RABEP1: variants seen among roughly 807,000 people sequenced by gnomAD.
The protein encoded by RABEP1 is rab GTPase-binding effector protein 1.
RABEP1 carries 51 observed loss-of-function variants against 123.4 expected under a neutral mutation model. The observed-to-expected ratio is 0.41, with a 90% CI of 0.33 to 0.52. The LOEUF is 0.52. Among genes scored for constraint, RABEP1 ranks in the 20% least tolerant of loss-of-function variants. The pLI is 0.16. For synonymous variants in RABEP1, 347 were observed against 355.2 expected (o/e 0.98, Z 0.26); for missense variants, 888 against 996.3 (o/e 0.89, Z 1.46).
At chr17:5,317,565 T>C (rs1239887994) in intron 2 of RABEP1, among the ~76,000 whole-genome samples, 2 of 151,588 alleles carry the variant, frequency 1.3e-5, no homozygotes, top group Non-Finnish European at 2.9e-5. Context: ...TGAGGATCTA[T>C]GTAGGGCACT....
chr17:5,331,249 A>G (rs1159973334), intron 2 of RABEP1, among the ~76,000 whole-genome samples: 2 of 152,170 alleles, frequency 1.3e-5, no homozygotes, highest in Non-Finnish European at 2.9e-5. Flanking sequence ...AACAGGGAAA[A>G]TGTAGATTAA....
chr17:5,350,015 C>G (rs1352846143), intron 6 of RABEP1, among the ~76,000 whole-genome samples: 5 of 152,144 alleles, frequency 3.3e-5, no homozygotes, highest in Non-Finnish European at 7.3e-5. Flanking sequence ...GCCCCTTGGT[C>G]CAGCCAAGGA....
Position 5,383,250 on chromosome 17 carries a change from C to T in RABEP1, c.*27C>T, listed in dbSNP as rs1403557101. On this transcript the variant is annotated 3_prime_UTR_variant, in exon 18 of 18. Coordinates refer to ENST00000537505, the MANE Select transcript of RABEP1 (RefSeq NM_004703.6). ...ACCCTCATGGCAGGATTCTAGCCTG[C>T]ACTTTGGGTTTTTAACTCATCTTTA... 1.3e-6 allele frequency: 2 copies of T among 1,589,470 alleles called. No individual in the cohort carries two copies. The highest frequency in any genetic ancestry group is 3.3e-5 in the Admixed American group (2 of 59,888).
rs768523345 is a variant in RABEP1, at chr17:5,368,505, C to T, written c.1884+37C>T. 1.1e-5 allele frequency: 16 copies of T among 1,416,884 alleles called. No homozygotes were observed. The East Asian group carries it at 3.4e-4, about 30-fold the overall frequency. The allele number at this position is 1,416,884 out of a possible 1,614,324, so 87.8% of individuals were successfully genotyped here. ...TTTTAAGTAAATGACAACTATGTTA[C>T]TATATATTCCTTTTTTGTTCTATCT... On this transcript the variant is annotated intron_variant, in intron 12 of 17. Transcript: ENST00000537505.
At position 5,289,062 on chromosome 17, in the gene RABEP1, C is replaced by A. The variant is rs1038672598; in HGVS notation, c.34+6542C>A. 3.3e-5 allele frequency among the ~76,000 whole-genome samples: 5 copies of A among 152,076 alleles called. No individual in the cohort carries two copies. The East Asian group carries it at 9.6e-4, about 29-fold the overall frequency. ...ATAGGAATTATATTAATTATGGCCT[C>A]TTTGTTTATTGGCTGGCTGGCTTGC... On this transcript the variant is annotated intron_variant, in intron 1 of 17. Coordinates refer to ENST00000537505, the MANE Select transcript of RABEP1 (RefSeq NM_004703.6).
At chr17:5,382,056 T>TAA (rs1241215767) in intron 17 of RABEP1, among the ~76,000 whole-genome samples, 1 of 149,812 alleles carries the variant, frequency 6.7e-6, no homozygotes, top group East Asian at 2.0e-4. Flanking sequence ...GTGCTAAAAC[T>TAA]AAGTTTTTTT....
Position 5,386,075 on chromosome 17 carries a change from T to C in RABEP1, c.*2852T>C, listed in dbSNP as rs1337179013. ...TACTCAATTATTATAAAACAACATA[T>C]TTAAAAAGATGAACCACACCAAAGG... On this transcript the variant is annotated 3_prime_UTR_variant, in exon 18 of 18. Coordinates refer to ENST00000537505, the MANE Select transcript of RABEP1 (RefSeq NM_004703.6). 1.5e-6 allele frequency: 1 copy of C among 647,408 alleles called. No homozygotes were observed. Among genetic ancestry groups the C allele is most frequent in the Non-Finnish European group, 2.7e-6 (1 of 373,208 alleles). The allele number at this position is 647,408 out of a possible 1,614,324, so 40.1% of individuals were successfully genotyped here.
At chr17:5,316,832 CAAAAAAAAAAAA>C (rs55890740) in intron 2 of RABEP1, among the ~76,000 whole-genome samples, 1 of 67,176 alleles carries the variant, frequency 1.5e-5, no homozygotes. Context: ...GACTCTGTCT[CAAAAAAAAAAAA>C]AAAAAAAAAA....
intron 1 of RABEP1, among the ~76,000 whole-genome samples, chr17:5,292,038 T>C (rs2075038655): frequency 6.6e-6 from 1 of 152,264 alleles, no homozygotes; most frequent in East Asian, 1.9e-4. Context: ...TTTGATCTCA[T>C]CTTTATTTCC....
At chr17:5,320,204 G>A (rs1221987354) in intron 2 of RABEP1, among the ~76,000 whole-genome samples, 1 of 151,604 alleles carries the variant, frequency 6.6e-6, no homozygotes, top group Non-Finnish European at 1.5e-5. Context: ...AACCATAAAG[G>A]TAAGGAAGGA....
At position 5,350,494 on chromosome 17, in the gene RABEP1, A is replaced by G; in HGVS notation, c.828A>G (p.Leu276=). 6 of 1,614,202 alleles carry G rather than the reference A, an allele frequency of 3.7e-6. No homozygotes were observed. The highest frequency in any genetic ancestry group is 5.1e-6 in the Non-Finnish European group (6 of 1,180,028). ...AAGAGCGACAACAACACAACCAGTT[A>G]AAACATACGTGGCAGAAGGCCAATG... ...LEQERQQHNQ[L]KHTWQKANDQ... is the part of the protein sequence containing the mutation. Residue 276 remains leucine (L), a synonymous_variant, in exon 7 of 18, where the codon TTA becomes TTG. Transcript: ENST00000537505.
chr17:5,363,115 T>G (rs185107622), intron 10 of RABEP1, 99 bp downstream of exon 10: 1 of 830,012 alleles, frequency 1.2e-6, no homozygotes, highest in East Asian at 2.6e-5. Flanking sequence ...ATTTACATTA[T>G]GAAGCATATC....
Position 5,384,801 on chromosome 17 carries a change from T to C in RABEP1, c.*1578T>C, listed in dbSNP as rs185846046. 170 of 216,260 alleles carry C rather than the reference T, an allele frequency of 7.9e-4. No homozygotes were observed. The highest frequency in any genetic ancestry group is 3.6e-3 in the African/African-American group (161 of 44,590). 13.4% of individuals were successfully genotyped at this position (216,260 alleles called of 1,614,324 possible). Reference sequence around the variant, plus strand: ...TTTAAAGTCCCTTTATAAAGAGTGCTACATGGTTTAGATAAAGGAAACATA... The same window carrying C: ...TTTAAAGTCCCTTTATAAAGAGTGCCACATGGTTTAGATAAAGGAAACATA... On this transcript the variant is annotated 3_prime_UTR_variant, in exon 18 of 18. Coordinates refer to ENST00000537505, the MANE Select transcript of RABEP1 (RefSeq NM_004703.6).
chr17:5,383,391 A>C lies in RABEP1; in HGVS notation c.*168A>C. On this transcript the variant is annotated 3_prime_UTR_variant, in exon 18 of 18. Transcript: ENST00000537505. ...AAGACTGTGCGGCACAGGAAACAGC[A>C]AACAGTGGGGTGATCTGCAGCCCAG... 1 of 618,664 alleles carries C rather than the reference A, an allele frequency of 1.6e-6. No homozygotes were observed. Among genetic ancestry groups the C allele is most frequent in the South Asian group, 2.0e-5 (1 of 50,524 alleles). 38.3% of individuals were successfully genotyped at this position (618,664 alleles called of 1,614,324 possible). A position where few individuals can be genotyped will look rare whatever the true frequency, so the allele number is the denominator to read the frequency against.
intron 13 of RABEP1, among the ~76,000 whole-genome samples, chr17:5,375,628 C>A (rs746803124): frequency 6.6e-6 from 1 of 152,004 alleles, no homozygotes; most frequent in Non-Finnish European, 1.5e-5. Context: ...GTCGCCTGAG[C>A]CCAGGAGGTC....
At chr17:5,302,728 C>T (rs563203182) in intron 1 of RABEP1, among the ~76,000 whole-genome samples, 1 of 150,528 alleles carries the variant, frequency 6.6e-6, no homozygotes, top group East Asian at 2.0e-4. Context: ...GGATCTCACT[C>T]TGTTGCCCAG....
chr17:5,338,565 T>G (rs972094098), intron 5 of RABEP1, among the ~76,000 whole-genome samples: 9 of 152,200 alleles, frequency 5.9e-5, no homozygotes, highest in African/African-American at 1.9e-4. Context: ...CGAAATTCTG[T>G]CTCAATAATA....
Position 5,383,277 on chromosome 17 carries a change from A to G in RABEP1, c.*54A>G. The G allele has an allele frequency of 7.5e-7, 1 of 1,334,746 alleles. No individual in the cohort carries two copies. The highest frequency in any genetic ancestry group is 1.1e-6 in the Non-Finnish European group (1 of 928,424). 82.7% of individuals were successfully genotyped at this position (1,334,746 alleles called of 1,614,324 possible). On this transcript the variant is annotated 3_prime_UTR_variant, in exon 18 of 18. Coordinates refer to ENST00000537505, the MANE Select transcript of RABEP1 (RefSeq NM_004703.6). Reference sequence around the variant, plus strand: ...CTTTGGGTTTTTAACTCATCTTTAGAGCAACAGTAATTATTATTTAACTCT... The same window carrying G: ...CTTTGGGTTTTTAACTCATCTTTAGGGCAACAGTAATTATTATTTAACTCT...
chr17:5,343,125 GC>G (rs1292920693), intron 5 of RABEP1, among the ~76,000 whole-genome samples: 1 of 152,098 alleles, frequency 6.6e-6, no homozygotes, highest in Non-Finnish European at 1.5e-5. Context: ...CTGGGCATCC[GC>G]CTGTAATCCC....
Sources: gnomAD v4.1 joint callset for allele counts (sites outside exome capture counted in the v4.1 genomes callset) on GRCh38, gnomAD v4.1.1 for gene constraint, MANE v1.5 for transcripts, NCBI Gene and HGNC (gene_info 2026-07-23, HGNC 2026-07-21) for gene names.